BCKDHB: variants seen among roughly 807,000 people sequenced by gnomAD.
The protein encoded by BCKDHB is branched chain keto acid dehydrogenase E1 subunit beta.
Under a neutral mutation model 48.5 loss-of-function variants are expected in BCKDHB, and 41 were observed. The ratio of observed to expected loss-of-function variants is 0.85; its 90% CI spans 0.66 to 1.10. BCKDHB has a LOEUF of 1.10. Ranked by LOEUF, BCKDHB falls within the 50% of genes least tolerant of loss-of-function variation. The pLI is 0.00. For synonymous variants in BCKDHB, 201 were observed against 174.8 expected (o/e 1.15, Z -1.18); for missense variants, 496 against 494.2 (o/e 1.00, Z -0.03).
At chr6:80,119,049 G>T (rs1554182803) in intron 1 of BCKDHB, among the ~76,000 whole-genome samples, 1 of 152,084 alleles carries the variant, frequency 6.6e-6, no homozygotes, top group Non-Finnish European at 1.5e-5. Flanking sequence ...TACCACTTTG[G>T]GAGGCCAAGG....
the BCKDHB span, among the ~76,000 whole-genome samples, chr6:80,429,450 A>G: frequency 6.6e-6 from 1 of 152,228 alleles, no homozygotes; most frequent in Non-Finnish European, 1.5e-5. Context: ...TTGAATCTAT[A>G]AACTACTTTG....
In BCKDHB at chr6:80,106,686, G is replaced by A; in HGVS notation, c.-8G>A. On this transcript the variant is annotated 5_prime_UTR_variant, in exon 1 of 10. Transcript: ENST00000320393. ...TGCATAGCCTGAGAATCCCGGTGGTGAGCGGGGATGGCGGTTGTAGCGGCG... is the reference window on the plus strand; with the variant it reads ...TGCATAGCCTGAGAATCCCGGTGGTAAGCGGGGATGGCGGTTGTAGCGGCG... 1.3e-6 allele frequency: 2 copies of A among 1,552,572 alleles called. No individual in the cohort carries two copies. The highest frequency in any genetic ancestry group is 8.7e-7 in the Non-Finnish European group (1 of 1,148,774).
At chr6:80,285,364 T>A (rs1460778372) in intron 9 of BCKDHB, among the ~76,000 whole-genome samples, 3 of 152,208 alleles carry the variant, frequency 2.0e-5, no homozygotes, top group Admixed American at 6.5e-5. Flanking sequence ...AATTATGTAT[T>A]CTGTTATCAA....
At chr6:80,440,299 A>T in the BCKDHB span, among the ~76,000 whole-genome samples, 6 of 152,224 alleles carry the variant, frequency 3.9e-5, no homozygotes, top group African/African-American at 1.4e-4. Context: ...CTAAGTACTC[A>T]ACAAAAAAAC....
intron 8 of BCKDHB, among the ~76,000 whole-genome samples, chr6:80,221,091 G>A (rs1046593612): frequency 2.6e-5 from 4 of 152,008 alleles, no homozygotes; most frequent in Admixed American, 2.6e-4. Context: ...GGGGGAAGTG[G>A]AGCAATTGAT....
chr6:80,192,215 A>C lies in BCKDHB; in HGVS notation c.743-8719A>C, dbSNP rs554715096. Among the ~76,000 whole-genome samples, 413 of 152,312 alleles carry C rather than the reference A, an allele frequency of 2.7e-3. 2 individuals are homozygous for C. The highest frequency in any genetic ancestry group is 9.2e-3 in the African/African-American group (382 of 41,582). ...AGTTTTTTTTCTAATGGTTCATACA[A>C]TAATGATGCCCTTTATTGAAATATT... On this transcript the variant is annotated intron_variant, in intron 6 of 9. Transcript: ENST00000320393.
rs776940885 is a variant in BCKDHB at position 80,322,238 on chromosome 6, C to CTTTTTTTTT, written c.1039-21417_1039-21409dup. ...CATAGGCGTTTTCTTTCTTTCTTTTCTTTTTTTTTTTTTTTTTGGTGACGG... is the reference window on the plus strand; with the variant it reads ...CATAGGCGTTTTCTTTCTTTCTTTTCTTTTTTTTTTTTTTTTTTTTTTTTTTGGTGACGG... On this transcript the variant is annotated intron_variant, in intron 9 of 9. Coordinates refer to ENST00000320393, the MANE Select transcript of BCKDHB (RefSeq NM_183050.4). Among the ~76,000 whole-genome samples, 19 of 116,660 alleles carry CTTTTTTTTT rather than the reference C, an allele frequency of 1.6e-4. 1 individual carries two copies. The highest frequency in any genetic ancestry group is 5.4e-4 in the South Asian group (2 of 3,722). The allele number at this position is 116,660 out of a possible 152,430, so 76.5% of individuals were successfully genotyped here. A position where few individuals can be genotyped will look rare whatever the true frequency, so the allele number is the denominator to read the frequency against.
intron 8 of BCKDHB, among the ~76,000 whole-genome samples, chr6:80,216,674 T>A (rs957263491): frequency 6.6e-6 from 1 of 152,168 alleles, no homozygotes; most frequent in African/African-American, 2.4e-5. Flanking sequence ...GAAAAAAGAT[T>A]ATAGGTACAT....
chr6:80,373,082 A>T, the BCKDHB span, among the ~76,000 whole-genome samples: 1 of 151,760 alleles, frequency 6.6e-6, no homozygotes, highest in South Asian at 2.1e-4. Context: ...TGGTCCTGGA[A>T]TTTTTTTTGT....
intron 9 of BCKDHB, among the ~76,000 whole-genome samples, chr6:80,293,931 T>G (rs1053089703): frequency 1.3e-5 from 2 of 152,178 alleles, no homozygotes; most frequent in African/African-American, 4.8e-5. Flanking sequence ...TTCATCTCTA[T>G]CTGAGACCAC....
the BCKDHB span, among the ~76,000 whole-genome samples, chr6:80,412,613 A>G: frequency 2.4e-4 from 36 of 152,278 alleles, no homozygotes; most frequent in African/African-American, 8.4e-4. Flanking sequence ...ACCTTCATCC[A>G]TGAGTTGTAT....
At chr6:80,379,385 C>G in the BCKDHB span, among the ~76,000 whole-genome samples, 1 of 151,948 alleles carries the variant, frequency 6.6e-6, no homozygotes, top group African/African-American at 2.4e-5. Flanking sequence ...TTAAATGCAA[C>G]ATAACATCAC....
chr6:80,437,901 C>T, the BCKDHB span, among the ~76,000 whole-genome samples: 48 of 152,314 alleles, frequency 3.2e-4, no homozygotes, highest in Middle Eastern at 0.014. Flanking sequence ...TTCTGCTGTA[C>T]GTTCCAATCT....
chr6:80,390,112 G>T, the BCKDHB span, among the ~76,000 whole-genome samples: 4 of 152,168 alleles, frequency 2.6e-5, no homozygotes, highest in Admixed American at 2.0e-4. Flanking sequence ...GTTGGCTGGG[G>T]TGATTGACCC....
intron 8 of BCKDHB, among the ~76,000 whole-genome samples, chr6:80,204,304 C>T (rs1582349746): frequency 6.6e-6 from 1 of 152,214 alleles, no homozygotes; most frequent in East Asian, 1.9e-4. Context: ...ACTCACTTGA[C>T]ACCATCTAAA....
chr6:80,438,690 T>C, the BCKDHB span, among the ~76,000 whole-genome samples: 1 of 152,186 alleles, frequency 6.6e-6, no homozygotes. Context: ...AGAAGTAACA[T>C]TTTCAAAGCC....
At chr6:80,390,558 A>G in the BCKDHB span, among the ~76,000 whole-genome samples, 5 of 152,222 alleles carry the variant, frequency 3.3e-5, no homozygotes, top group African/African-American at 1.2e-4. Flanking sequence ...ATCATGTGAC[A>G]TAAGATTTAT....
chr6:80,424,755 G>T, the BCKDHB span, among the ~76,000 whole-genome samples: 1 of 152,156 alleles, frequency 6.6e-6, no homozygotes, highest in South Asian at 2.1e-4. Flanking sequence ...TTGTGTATTG[G>T]ACTACAGAAA....
At chr6:80,316,374 C>CTT (rs66530321) in intron 9 of BCKDHB, among the ~76,000 whole-genome samples, 57,896 of 150,756 alleles carry the variant, frequency 0.38, 12,653 homozygotes, top group Admixed American at 0.56. Context: ...ACTCAAACTG[C>CTT]TTTTTTTTTA....
Sources: gnomAD v4.1 joint callset for allele counts (sites outside exome capture counted in the v4.1 genomes callset) on GRCh38, gnomAD v4.1.1 for gene constraint, MANE v1.5 for transcripts, NCBI Gene and HGNC (gene_info 2026-07-23, HGNC 2026-07-21) for gene names.